Variants in ZC3H8 observed in about 807,000 individuals in gnomAD.
The protein encoded by ZC3H8 is zinc finger CCCH domain-containing protein 8.
Under a neutral mutation model 42.5 loss-of-function variants are expected in ZC3H8, and 27 were observed. That is an observed-to-expected ratio of 0.64 (90% CI 0.47 to 0.88). The LOEUF is 0.88. ZC3H8 is among the 40% of genes least tolerant of loss of function. The pLI is 0.00. For missense variants in ZC3H8, 277 were observed against 336.1 expected, an observed-to-expected ratio of 0.82 and a Z score of 1.37; for synonymous variants, 101 against 110.1, an observed-to-expected ratio of 0.92 and a Z score of 0.52.
At chr2:112,219,361 G>A (rs1684485118) in intron 8 of ZC3H8, among the ~76,000 whole-genome samples, 1 of 152,168 alleles carries the variant, frequency 6.6e-6, no homozygotes, top group Non-Finnish European at 1.5e-5. Context: ...AATGGTGCTA[G>A]GAAAACTGGA....
intron 8 of ZC3H8, among the ~76,000 whole-genome samples, chr2:112,230,519 G>A (rs1399585909): frequency 1.3e-5 from 2 of 152,092 alleles, no homozygotes; most frequent in Non-Finnish European, 2.9e-5. Flanking sequence ...AAAAATGAAT[G>A]ACAGCTGCAT....
intron 7 of ZC3H8, 24 bp downstream of exon 7, chr2:112,231,814 A>G (rs756989772): frequency 4.2e-6 from 6 of 1,438,234 alleles, no homozygotes; most frequent in Non-Finnish European, 4.7e-6. Flanking sequence ...GAAAAAACAA[A>G]AGATTATTAA....
chr2:112,241,563 T>C (rs1389550757), intron 2 of ZC3H8, among the ~76,000 whole-genome samples: 1 of 152,252 alleles, frequency 6.6e-6, no homozygotes, highest in African/African-American at 2.4e-5. Flanking sequence ...AATTGACATT[T>C]GGTATTTGAA....
chr2:112,232,314 C>T (rs1472287099), intron 6 of ZC3H8, among the ~76,000 whole-genome samples: 1 of 71,624 alleles, frequency 1.4e-5, no homozygotes, highest in East Asian at 4.2e-4. Context: ...GATAATGTCT[C>T]AAAAAAAAAA....
Position 112,231,823 on chromosome 2 carries a change from A to T in ZC3H8, c.843+15T>A, listed in dbSNP as rs945375235. 2 of 1,489,978 alleles carry T rather than the reference A, an allele frequency of 1.3e-6. No homozygotes were observed. The highest frequency in any genetic ancestry group is 2.3e-5 in the East Asian group (1 of 43,512). The allele number at this position is 1,489,978 out of a possible 1,614,324, so 92.3% of individuals were successfully genotyped here. On this transcript the variant is annotated intron_variant, in intron 7 of 8. Transcript: ENST00000409573. ...AAAAAAGAAAAAACAAAAGATTATT[A>T]AAAATTATACTTACTTTAGCCAACA...
intron 2 of ZC3H8, among the ~76,000 whole-genome samples, chr2:112,249,787 G>A (rs1325891225): frequency 6.6e-6 from 1 of 152,132 alleles, no homozygotes; most frequent in Non-Finnish European, 1.5e-5. Flanking sequence ...ACTTTGTTAT[G>A]GCAGCCCTAA....
At chr2:112,225,145 G>A (rs1387096479) in intron 8 of ZC3H8, among the ~76,000 whole-genome samples, 1 of 152,076 alleles carries the variant, frequency 6.6e-6, no homozygotes, top group East Asian at 1.9e-4. Context: ...AGACTTTGCT[G>A]AATTTATTAA....
rs137858401 is a variant in ZC3H8 at position 112,240,933 on chromosome 2, A to G, written c.157-2405T>C. ...CTAGTATGGCCTCCAGAAACCTCCA[A>G]AATTAAAGTACAGGTAACAGTGTGT... On this transcript the variant is annotated intron_variant, in intron 2 of 8. Transcript: ENST00000409573. Among the ~76,000 whole-genome samples the G allele has an allele frequency of 3.1e-3, 465 of 150,934 alleles. 3 individuals are homozygous for G. The highest frequency in any genetic ancestry group is 0.017 in the Middle Eastern group (5 of 294).
intron 8 of ZC3H8, among the ~76,000 whole-genome samples, chr2:112,222,454 A>T (rs891025640): frequency 6.6e-6 from 1 of 152,116 alleles, no homozygotes; most frequent in African/African-American, 2.4e-5. Context: ...GCTGTGCCCT[A>T]AAAAAAGAAG....
chr2:112,250,333 A>T (rs1573928598), intron 1 of ZC3H8, 61 bp from the exon 2 acceptor site: 1 of 1,231,396 alleles, frequency 8.1e-7, no homozygotes, highest in Non-Finnish European at 1.1e-6. Flanking sequence ...TTCATACCAC[A>T]GCGTTACAAT....
At chr2:112,254,717 C>T (rs938119833) in intron 1 of ZC3H8, among the ~76,000 whole-genome samples, 191 bp downstream of exon 1, 2 of 152,238 alleles carry the variant, frequency 1.3e-5, no homozygotes, top group Non-Finnish European at 2.9e-5. Flanking sequence ...CCGCGTTCAG[C>T]TTCTGCTCCC....
intron 1 of ZC3H8, among the ~76,000 whole-genome samples, chr2:112,251,207 C>T (rs1378008401): frequency 6.6e-6 from 1 of 152,164 alleles, no homozygotes. Context: ...GGGAATGTGT[C>T]CCATCTCAAG....
chr2:112,247,206 T>C (rs1194568052), intron 2 of ZC3H8, among the ~76,000 whole-genome samples: 1 of 152,208 alleles, frequency 6.6e-6, no homozygotes, highest in Non-Finnish European at 1.5e-5. Flanking sequence ...ATTGTGGTGG[T>C]ATGAAATCAA....
At chr2:112,253,150 A>C (rs558105061) in intron 1 of ZC3H8, among the ~76,000 whole-genome samples, 330 of 151,822 alleles carry the variant, frequency 2.2e-3, no homozygotes, top group Non-Finnish European at 3.2e-3. Flanking sequence ...TAAAAAAAAA[A>C]CCCACAAAAC....
rs944238214 is a variant in ZC3H8 at position 112,215,064 on chromosome 2, T to TA, written c.*1419dup. ...TTTCCTTATATATAAACTTTATATA[T>TA]AAAATCTATACTTTATAAGTATCAA... is the stretch of plus-strand genomic sequence containing the variant. On this transcript the variant is annotated 3_prime_UTR_variant, in exon 9 of 9. Transcript: ENST00000409573. 2.0e-5 allele frequency: 3 copies of TA among 152,110 alleles called. No individual in the cohort carries two copies. Among genetic ancestry groups the TA allele is most frequent in the Non-Finnish European group, 4.4e-5 (3 of 68,036 alleles). 9.4% of individuals were successfully genotyped at this position (152,110 alleles called of 1,614,324 possible). A position where few individuals can be genotyped will look rare whatever the true frequency, so the allele number is the denominator to read the frequency against.
chr2:112,220,973 G>T (rs1044098174), intron 8 of ZC3H8, among the ~76,000 whole-genome samples: 3 of 152,178 alleles, frequency 2.0e-5, no homozygotes, highest in Non-Finnish European at 4.4e-5. Flanking sequence ...GAGGTTCTCT[G>T]TATTTCCTGA....
In ZC3H8 at chr2:112,214,773, C is replaced by CATAACCCAGGT. The variant is rs1344714883; in HGVS notation, c.*1700_*1710dup. 1 of 152,160 alleles carries CATAACCCAGGT rather than the reference C, an allele frequency of 6.6e-6. No homozygotes were observed. The highest frequency in any genetic ancestry group is 1.5e-5 in the Non-Finnish European group (1 of 68,084). 9.4% of individuals were successfully genotyped at this position (152,160 alleles called of 1,614,324 possible). ...CCAGTGATTGGCTGTGAGGTGCTGC[C>CATAACCCAGGT]ATAACCCAGGTAGGAGAGACCCACA... is the stretch of plus-strand genomic sequence containing the variant. On this transcript the variant is annotated 3_prime_UTR_variant, in exon 9 of 9. Coordinates refer to ENST00000409573, the MANE Select transcript of ZC3H8 (RefSeq NM_032494.3).
chr2:112,250,354 G>T, intron 1 of ZC3H8, 82 bp from the exon 2 acceptor site: 1 of 949,512 alleles, frequency 1.1e-6, no homozygotes, highest in Non-Finnish European at 1.5e-6. Context: ...TCACTGCTTT[G>T]GCTTGTCTTC....
chr2:112,226,081 C>CA (rs551484413), intron 8 of ZC3H8, among the ~76,000 whole-genome samples: 90 of 139,184 alleles, frequency 6.5e-4, no homozygotes, highest in South Asian at 2.1e-3. Context: ...GACTTCATCT[C>CA]AAAAAAAAAA....
Sources: gnomAD v4.1 joint callset for allele counts (sites outside exome capture counted in the v4.1 genomes callset) on GRCh38, gnomAD v4.1.1 for gene constraint, MANE v1.5 for transcripts, NCBI Gene and HGNC (gene_info 2026-07-23, HGNC 2026-07-21) for gene names.